CDH13: variants seen among roughly 807,000 people sequenced by gnomAD.
The protein encoded by CDH13 is cadherin 13.
In CDH13, 24 loss-of-function variants were observed where a neutral mutation model predicts 63.8. That is an observed-to-expected ratio of 0.38 (90% CI 0.27 to 0.53). The LOEUF (loss-of-function observed/expected upper bound fraction) is 0.53, where lower values mean the gene tolerates loss of function less well. CDH13 is among the 20% of genes least tolerant of loss of function. The pLI, the probability that CDH13 is intolerant of heterozygous loss-of-function variation, is 0.85. For missense variants in CDH13, 1,049 were observed against 903.1 expected (o/e 1.16, Z -2.07); for synonymous variants, 503 against 355.3 (o/e 1.42, Z -4.67).
chr16:83,734,032 C>A (rs1016515620), intron 10 of CDH13, among the ~76,000 whole-genome samples: 1 of 152,078 alleles, frequency 6.6e-6, no homozygotes, highest in African/African-American at 2.4e-5. Flanking sequence ...GTTTAGTCAC[C>A]AGATTAAACC....
chr16:83,122,031 C>A (rs1272472991), intron 3 of CDH13, among the ~76,000 whole-genome samples: 1 of 151,926 alleles, frequency 6.6e-6, no homozygotes, highest in Non-Finnish European at 1.5e-5. Flanking sequence ...TGGAATGAAA[C>A]TATCATTTAT....
intron 2 of CDH13, among the ~76,000 whole-genome samples, chr16:82,925,666 G>A (rs2042281651): frequency 2.6e-5 from 4 of 152,142 alleles, no homozygotes; most frequent in Admixed American, 6.5e-5. Flanking sequence ...GATATTGGCT[G>A]GGTATTAAAG....
intron 1 of CDH13, among the ~76,000 whole-genome samples, chr16:82,789,371 A>G (rs1304636260): frequency 6.6e-6 from 1 of 152,164 alleles, no homozygotes; most frequent in African/African-American, 2.4e-5. Flanking sequence ...AGAGGCTGAT[A>G]TATGCTCTTT....
intron 2 of CDH13, among the ~76,000 whole-genome samples, chr16:83,009,579 CTT>C (rs1419933879): frequency 6.6e-6 from 1 of 152,162 alleles, no homozygotes; most frequent in Non-Finnish European, 1.5e-5. Flanking sequence ...TAGCAGTACT[CTT>C]TACATCTGAA....
intron 4 of CDH13, among the ~76,000 whole-genome samples, chr16:83,131,182 A>ACGGGGGGCCCCCC: frequency 1.2e-5 from 1 of 86,350 alleles, no homozygotes; most frequent in South Asian, 4.3e-4. Flanking sequence ...GGGGTGTATG[A>ACGGGGGGCCCCCC]CCCCCCCCCC....
intron 1 of CDH13, among the ~76,000 whole-genome samples, chr16:82,683,968 C>T (rs1914811323): frequency 6.6e-6 from 1 of 152,200 alleles, no homozygotes; most frequent in African/African-American, 2.4e-5. Context: ...GTCTAGTCTC[C>T]TCTTTTATTA....
At chr16:83,697,437 C>A (rs1905554767) in intron 10 of CDH13, among the ~76,000 whole-genome samples, 1 of 152,224 alleles carries the variant, frequency 6.6e-6, no homozygotes, top group South Asian at 2.1e-4. Flanking sequence ...GAAGGCTGCG[C>A]CATGCCTTAC....
intron 5 of CDH13, among the ~76,000 whole-genome samples, chr16:83,241,117 A>G (rs1211031302): frequency 1.3e-5 from 2 of 152,194 alleles, no homozygotes; most frequent in African/African-American, 4.8e-5. Context: ...TTCACTTTGC[A>G]TAATGCACTT....
chr16:82,672,478 C>T (rs535396583), intron 1 of CDH13, among the ~76,000 whole-genome samples: 1 of 152,216 alleles, frequency 6.6e-6, no homozygotes, highest in South Asian at 2.1e-4. Flanking sequence ...CACTGTATTT[C>T]TATCATTGAT....
intron 3 of CDH13, among the ~76,000 whole-genome samples, chr16:83,077,194 T>TC (rs1328355205): frequency 3.9e-4 from 46 of 118,254 alleles, no homozygotes; most frequent in African/African-American, 1.7e-3. Flanking sequence ...TTCTTTTTTT[T>TC]TTTTTTTTTT....
At chr16:82,786,404 A>T (rs1043799262) in intron 1 of CDH13, among the ~76,000 whole-genome samples, 1 of 151,508 alleles carries the variant, frequency 6.6e-6, no homozygotes, top group Non-Finnish European at 1.5e-5. Flanking sequence ...CTTACTTGCA[A>T]TGATCCTTTG....
At chr16:83,095,433 G>A (rs1204499575) in intron 3 of CDH13, among the ~76,000 whole-genome samples, 1 of 152,208 alleles carries the variant, frequency 6.6e-6, no homozygotes, top group Admixed American at 6.5e-5. Flanking sequence ...CAGTGATAAA[G>A]TACTTCTCCC....
intron 6 of CDH13, among the ~76,000 whole-genome samples, chr16:83,362,738 C>G (rs1002325309): frequency 3.9e-5 from 6 of 152,192 alleles, no homozygotes; most frequent in Non-Finnish European, 4.4e-5. Flanking sequence ...TTAATTACTT[C>G]TTAGTATGCC....
intron 1 of CDH13, among the ~76,000 whole-genome samples, chr16:82,787,848 G>GTGTGTGTGTGTGTGTGTGTGTGTGTGTT (rs2036095758): frequency 6.6e-6 from 1 of 151,980 alleles, no homozygotes. Flanking sequence ...GGAAGTGTGT[G>GTGTGTGTGTGTGTGTGTGTGTGTGTGTT]TGTGATCTCA....
At chr16:83,021,935 A>T (rs186070303) in intron 2 of CDH13, among the ~76,000 whole-genome samples, 4 of 152,320 alleles carry the variant, frequency 2.6e-5, no homozygotes, top group Admixed American at 6.5e-5. Context: ...ATCTGACCCA[A>T]TGTGGGTGGA....
intron 11 of CDH13, among the ~76,000 whole-genome samples, chr16:83,751,527 G>A (rs546219853): frequency 6.6e-6 from 1 of 152,352 alleles, no homozygotes; most frequent in African/African-American, 2.4e-5. Context: ...TGAGGAGGGA[G>A]GCATTAGGCA....
rs12930647 is a variant in CDH13, at chr16:83,040,844, T to C, written c.366+8626T>C. ...TATTCATAGTGATTGCATTGTTAAA[T>C]CCAGACCTATGATAAATGTTCAGCT... On this transcript the variant is annotated intron_variant, in intron 3 of 13. Transcript: ENST00000567109. Among the ~76,000 whole-genome samples, 1,467 of 152,282 alleles carry C rather than the reference T, an allele frequency of 9.6e-3. 11 individuals are homozygous for C. The highest frequency in any genetic ancestry group is 0.014 in the Middle Eastern group (4 of 294).
intron 1 of CDH13, among the ~76,000 whole-genome samples, chr16:82,672,989 A>G (rs1040912107): frequency 2.7e-5 from 2 of 74,176 alleles, no homozygotes; most frequent in Admixed American, 1.5e-4. Flanking sequence ...GCTAATTTTT[A>G]TAAAGTTTTC....
chr16:83,170,579 G>A (rs1395377963), intron 4 of CDH13, among the ~76,000 whole-genome samples: 3 of 152,116 alleles, frequency 2.0e-5, no homozygotes, highest in African/African-American at 7.2e-5. Context: ...ACTTAAAATT[G>A]TTGGAAGTTT....
Sources: allele counts gnomAD v4.1 joint callset (sites outside exome capture counted in the v4.1 genomes callset), GRCh38; gene constraint gnomAD v4.1.1; transcripts MANE v1.5; gene names NCBI Gene and HGNC (gene_info 2026-07-23, HGNC 2026-07-21).